TPRG1: variants seen among roughly 807,000 people sequenced by gnomAD.
The protein encoded by TPRG1 is tumor protein p63 regulated 1.
Under a neutral mutation model 29.3 loss-of-function variants are expected in TPRG1, and 29 were observed. The observed-to-expected ratio is 0.99, with a 90% CI of 0.74 to 1.35. The LOEUF (loss-of-function observed/expected upper bound fraction) is 1.35. Among genes scored for constraint, TPRG1 ranks in the 40% most tolerant of loss-of-function variants. The pLI is 0.00. For synonymous variants in TPRG1, 130 were observed against 116.8 expected, an observed-to-expected ratio of 1.11 and a Z score of -0.73; for missense variants, 327 against 335.0, an observed-to-expected ratio of 0.98 and a Z score of 0.19.
intron 4 of TPRG1, among the ~76,000 whole-genome samples, chr3:189,045,522 A>G (rs889881690): frequency 1.3e-5 from 2 of 152,238 alleles, no homozygotes; most frequent in African/African-American, 4.8e-5. Context: ...TAATCGGAAC[A>G]GGTTACTTGA....
intron 4 of TPRG1, among the ~76,000 whole-genome samples, chr3:189,073,670 TG>T (rs1187540472): frequency 6.6e-6 from 1 of 152,212 alleles, no homozygotes; most frequent in African/African-American, 2.4e-5. Context: ...ACAAAAACAA[TG>T]TGCTCAGAAA....
intron 4 of TPRG1, among the ~76,000 whole-genome samples, chr3:189,051,610 G>A (rs1715324810): frequency 6.6e-6 from 1 of 151,948 alleles, no homozygotes; most frequent in Non-Finnish European, 1.5e-5. Context: ...AATTTATATG[G>A]AACCAAAAAA....
At chr3:189,186,251 T>C (rs1008786902) in intron 1 of TPRG1, among the ~76,000 whole-genome samples, 11 of 152,046 alleles carry the variant, frequency 7.2e-5, no homozygotes, top group African/African-American at 2.7e-4. Flanking sequence ...ACCCGAAATG[T>C]TGTGATTGGT....
At chr3:189,151,646 T>C (rs997065614) in intron 5 of TPRG1, among the ~76,000 whole-genome samples, 11 of 152,126 alleles carry the variant, frequency 7.2e-5, no homozygotes, top group Non-Finnish European at 1.5e-4. Flanking sequence ...TTTGCGAGGC[T>C]GAGGCAGGTG....
intron 1 of TPRG1, among the ~76,000 whole-genome samples, chr3:189,176,239 G>A (rs938819191): frequency 3.3e-5 from 5 of 152,158 alleles, no homozygotes; most frequent in African/African-American, 7.2e-5. Context: ...AGAGTTCTGC[G>A]CCTCAAGAGA....
rs9862966 is a variant in TPRG1, at chr3:189,114,252, A to G, written c.-743-12805A>G. 2.3e-3 allele frequency among the ~76,000 whole-genome samples: 336 copies of G among 148,270 alleles called. 3 individuals are homozygous for G. The highest frequency in any genetic ancestry group is 8.4e-3 in the African/African-American group (327 of 39,004). The stretch of plus-strand genomic sequence containing the variant: ...ACATGTTGGACACAGATGTTGTACC[A>G]GGCACCTAGATGTTGCTTGTTTGTT... On this transcript the variant is annotated intron_variant, in intron 1 of 6. Coordinates refer to the TPRG1 transcript ENST00000412373.
chr3:189,252,632 C>T (rs1742467947), intron 4 of TPRG1, among the ~76,000 whole-genome samples: 1 of 152,136 alleles, frequency 6.6e-6, no homozygotes, highest in Non-Finnish European at 1.5e-5. Context: ...ATCTTAACCG[C>T]ACCATTTTCC....
chr3:189,251,930 G>A (rs994619319), intron 4 of TPRG1, among the ~76,000 whole-genome samples: 2 of 152,104 alleles, frequency 1.3e-5, no homozygotes, highest in Non-Finnish European at 2.9e-5. Flanking sequence ...ATGGGTGTCC[G>A]GCTGGGGGAC....
rs1014035095 is a variant in TPRG1, at chr3:189,322,359, T to C, written c.*1539T>C. 1.3e-5 allele frequency: 2 copies of C among 152,574 alleles called. No homozygotes were observed. The highest frequency in any genetic ancestry group is 2.9e-5 in the Non-Finnish European group (2 of 68,020). 9.5% of individuals were successfully genotyped at this position (152,574 alleles called of 1,614,324 possible). A position where few individuals can be genotyped will look rare whatever the true frequency, so the allele number is the denominator to read the frequency against. ...AATAACTCTTATTTTATTTTGTCTTTGTTTACTTCCATTAATTTTTTTTTC... is the reference window on the plus strand; with the variant it reads ...AATAACTCTTATTTTATTTTGTCTTCGTTTACTTCCATTAATTTTTTTTTC... On this transcript the variant is annotated 3_prime_UTR_variant, in exon 6 of 6. Coordinates refer to ENST00000345063, the MANE Select transcript of TPRG1 (RefSeq NM_198485.4).
At chr3:189,103,342 C>A (rs142220652) in intron 1 of TPRG1, among the ~76,000 whole-genome samples, 269 of 152,240 alleles carry the variant, frequency 1.8e-3, no homozygotes, top group South Asian at 0.012. Context: ...TTGCAGTCCC[C>A]TTTCATCTAT....
chr3:189,315,057 G>A (rs555108538), intron 5 of TPRG1, among the ~76,000 whole-genome samples: 38 of 152,234 alleles, frequency 2.5e-4, no homozygotes, highest in African/African-American at 8.9e-4. Flanking sequence ...AAGGCAGGAG[G>A]ACTGCTTAAG....
At position 189,315,826 on chromosome 3, in the gene TPRG1, G is replaced by A. The variant is rs934448345; in HGVS notation, c.634-4800G>A. ...CTGATTTTGCCCTACAGATACTTAC[G>A]GCGTAGGGGGAGGAGGCAGCAAAGA... On this transcript the variant is annotated intron_variant, in intron 5 of 5. Coordinates refer to ENST00000345063, the MANE Select transcript of TPRG1 (RefSeq NM_198485.4). The A allele has an allele frequency of 7.6e-5, 13 of 171,998 alleles. No individual in the cohort carries two copies. The South Asian group carries it at 9.5e-4, about 13-fold the overall frequency. The allele number at this position is 171,998 out of a possible 1,614,324, so 10.7% of individuals were successfully genotyped here. A position where few individuals can be genotyped will look rare whatever the true frequency, so the allele number is the denominator to read the frequency against.
At chr3:189,301,242 T>C (rs1244624883) in intron 4 of TPRG1, among the ~76,000 whole-genome samples, 1 of 131,596 alleles carries the variant, frequency 7.6e-6, no homozygotes, top group Non-Finnish European at 1.5e-5. Flanking sequence ...GAGGTTGCAG[T>C]GAGCCAAGAT....
In TPRG1 at chr3:189,312,117, GTTTCTTTCTTTCTTTCTTTC is replaced by G. The variant is rs71169040; in HGVS notation, c.633+1626_633+1645del. 4.6e-4 allele frequency among the ~76,000 whole-genome samples: 28 copies of G among 61,372 alleles called. 1 individual carries two copies. The highest frequency in any genetic ancestry group is 1.3e-3 in the East Asian group (4 of 3,116). 40.3% of individuals were successfully genotyped at this position (61,372 alleles called of 152,430 possible). The stretch of plus-strand genomic sequence containing the variant: ...TCTTTGTTTCTTTGTTTCTTTCTTT[GTTTCTTTCTTTCTTTCTTTC>G]TTTCTTTCTTTCTTTCTTTCTTTCT... On this transcript the variant is annotated intron_variant, in intron 5 of 5. Transcript: ENST00000345063.
At chr3:189,130,175 C>T (rs535202502) in intron 2 of TPRG1, among the ~76,000 whole-genome samples, 1 of 152,234 alleles carries the variant, frequency 6.6e-6, no homozygotes, top group East Asian at 1.9e-4. Context: ...ACATCATGTG[C>T]CATGGGTTCT....
rs1046773584 is a variant in TPRG1, at chr3:189,143,891, C to T, written c.-290-3693C>T. 7.9e-5 allele frequency among the ~76,000 whole-genome samples: 12 copies of T among 152,022 alleles called. No homozygotes were observed. In the East Asian group the frequency reaches 2.3e-3, roughly 29 times the overall value. ...GAAGACTGGGGGCTTGAAGCTTGGG[C>T]CTCTCTCTCCAATAGCGTGACTTAT... On this transcript the variant is annotated intron_variant, in intron 3 of 6. Coordinates refer to the TPRG1 transcript ENST00000412373.
At chr3:189,306,613 G>A (rs950713416) in intron 4 of TPRG1, among the ~76,000 whole-genome samples, 1 of 152,088 alleles carries the variant, frequency 6.6e-6, no homozygotes. Context: ...ATTAAGTCTG[G>A]TGATATTCTT....
Position 189,022,490 on chromosome 3 carries a change from A to C in TPRG1, c.-659-1260A>C, listed in dbSNP as rs367939075. ...CTGCAGGTCTGTTGGAGTACCCTGC[A>C]GTGTGAGGTGTCAGTGTGCCCCTGC... On this transcript the variant is annotated intron_variant, in intron 3 of 10. Transcript: ENST00000433971. Among the ~76,000 whole-genome samples, 893 of 150,980 alleles carry C rather than the reference A, an allele frequency of 5.9e-3. 5 individuals carry two copies. The highest frequency in any genetic ancestry group is 0.01 in the African/African-American group (426 of 40,974).
intron 4 of TPRG1, among the ~76,000 whole-genome samples, chr3:189,265,073 A>G (rs1256589867): frequency 1.3e-5 from 2 of 152,360 alleles, no homozygotes; most frequent in Middle Eastern, 3.4e-3. Context: ...GAATCTAGAA[A>G]GAAGCCATTT....
Sources: allele counts gnomAD v4.1 joint callset (sites outside exome capture counted in the v4.1 genomes callset), GRCh38; gene constraint gnomAD v4.1.1; transcripts MANE v1.5; gene names NCBI Gene and HGNC (gene_info 2026-07-23, HGNC 2026-07-21).